Variants in TESC observed in about 807,000 individuals in gnomAD.
TESC encodes tescalcin.
In TESC, 19 loss-of-function variants were observed where a neutral mutation model predicts 31.0. The observed-to-expected ratio is 0.61, with a 90% CI of 0.43 to 0.90. The LOEUF (loss-of-function observed/expected upper bound fraction) is 0.90. Ranked by LOEUF, TESC falls within the 40% of genes least tolerant of loss-of-function variation. The pLI, the probability that TESC is intolerant of heterozygous loss-of-function variation, is 0.00. For missense variants in TESC, 248 were observed against 303.8 expected, an observed-to-expected ratio of 0.82 and a Z score of 1.36; for synonymous variants, 109 against 114.8, an observed-to-expected ratio of 0.95 and a Z score of 0.32.
intron 1 of TESC, among the ~76,000 whole-genome samples, chr12:117,091,845 T>G (rs532714380): frequency 6.6e-6 from 1 of 152,292 alleles, no homozygotes; most frequent in Admixed American, 6.5e-5. Context: ...TGTGTGGAAC[T>G]CTACTGACGA....
At chr12:117,060,621 C>G (rs1954789148) in intron 2 of TESC, among the ~76,000 whole-genome samples, 1 of 152,124 alleles carries the variant, frequency 6.6e-6, no homozygotes, top group African/African-American at 2.4e-5. Flanking sequence ...CACCTCGCTT[C>G]CCAGAGACCC....
chr12:117,051,990 G>C (rs1484727902), intron 3 of TESC, among the ~76,000 whole-genome samples: 2 of 152,046 alleles, frequency 1.3e-5, no homozygotes, highest in African/African-American at 4.8e-5. Flanking sequence ...GCCCAGACTG[G>C]TCTTGAACCC....
At chr12:117,075,913 A>ATGTGTGTATATATATATATG (rs1955062104) in intron 1 of TESC, among the ~76,000 whole-genome samples, 4 of 51,964 alleles carry the variant, frequency 7.7e-5, no homozygotes, top group African/African-American at 4.1e-4. Flanking sequence ...ATATATATAT[A>ATGTGTGTATATATATATATG]TGTGTGTGTG....
chr12:117,071,224 T>C (rs1004139603), intron 2 of TESC, among the ~76,000 whole-genome samples: 1 of 152,222 alleles, frequency 6.6e-6, no homozygotes, highest in Non-Finnish European at 1.5e-5. Flanking sequence ...CTTTCATTCA[T>C]TCATTTATTC....
In TESC at chr12:117,061,181, C is replaced by T. The variant is rs546832115; in HGVS notation, c.129-4295G>A. ...CGGTGTCTGGTGAACTGGGAGTGCACCACAGATGGCACCTTGCAGGATGGG... is the reference window on the plus strand; with the variant it reads ...CGGTGTCTGGTGAACTGGGAGTGCATCACAGATGGCACCTTGCAGGATGGG... On this transcript the variant is annotated intron_variant, in intron 2 of 7. Coordinates refer to ENST00000335209, the MANE Select transcript of TESC (RefSeq NM_017899.4). Among the ~76,000 whole-genome samples, 28 of 152,324 alleles carry T rather than the reference C, an allele frequency of 1.8e-4. No homozygotes were observed. The South Asian group carries it at 5.6e-3, about 30-fold the overall frequency.
chr12:117,039,230 G>A lies in TESC; in HGVS notation c.568-20C>T, dbSNP rs372992188. The A allele has an allele frequency of 3.3e-5, 53 of 1,609,012 alleles. No individual in the cohort carries two copies. In the African/African-American group the frequency reaches 4.8e-4, roughly 15 times the overall value. On this transcript the variant is annotated intron_variant, in intron 7 of 7. Coordinates refer to ENST00000335209, the MANE Select transcript of TESC (RefSeq NM_017899.4). ...CCAGATCTGGAAGGGACGGAGCAGCGTTAAGGGCACGTTCCCGCCGCCACC... is the reference window on the plus strand; with the variant it reads ...CCAGATCTGGAAGGGACGGAGCAGCATTAAGGGCACGTTCCCGCCGCCACC...
intron 1 of TESC, among the ~76,000 whole-genome samples, chr12:117,088,273 G>C (rs1955248231): frequency 6.6e-6 from 1 of 152,174 alleles, no homozygotes; most frequent in Non-Finnish European, 1.5e-5. Flanking sequence ...TTTTGAGAGT[G>C]GGCGAGTGGG....
At chr12:117,077,218 C>T (rs1955086357) in intron 1 of TESC, among the ~76,000 whole-genome samples, 1 of 152,174 alleles carries the variant, frequency 6.6e-6, no homozygotes, top group Non-Finnish European at 1.5e-5. Context: ...GGGCATGGCT[C>T]CAATGATCAG....
intron 2 of TESC, among the ~76,000 whole-genome samples, chr12:117,072,743 C>G (rs117187712): frequency 0.01 from 1,573 of 152,298 alleles, 10 homozygotes; most frequent in Non-Finnish European, 0.015. Context: ...GCTGCAGCTA[C>G]CAGCGTAGGT....
At chr12:117,058,633 T>C (rs1054092612) in intron 2 of TESC, among the ~76,000 whole-genome samples, 11 of 142,936 alleles carry the variant, frequency 7.7e-5, no homozygotes, top group Non-Finnish European at 1.5e-4. Flanking sequence ...TAGCAACCAA[T>C]GCAGGAGGCT....
chr12:117,075,130 A>C lies in TESC; in HGVS notation c.128+141T>G. ...CACTGCACTCCAGCCTGGGCGACGG[A>C]GCGAGACTCCATCTCCAAAATAAAT... On this transcript the variant is annotated intron_variant, in intron 2 of 7. Coordinates refer to ENST00000335209, the MANE Select transcript of TESC (RefSeq NM_017899.4). 3 of 848,410 alleles carry C rather than the reference A, an allele frequency of 3.5e-6. No individual in the cohort carries two copies. The South Asian group carries it at 5.4e-5, about 15-fold the overall frequency. 52.6% of individuals were successfully genotyped at this position (848,410 alleles called of 1,614,324 possible).
At chr12:117,077,790 G>T (rs1955093350) in intron 1 of TESC, among the ~76,000 whole-genome samples, 1 of 152,146 alleles carries the variant, frequency 6.6e-6, no homozygotes, top group African/African-American at 2.4e-5. Flanking sequence ...GAGATGAGGA[G>T]GAGTAACTTG....
chr12:117,066,497 G>A (rs989799132), intron 2 of TESC, among the ~76,000 whole-genome samples: 2 of 151,030 alleles, frequency 1.3e-5, no homozygotes, highest in African/African-American at 4.9e-5. Context: ...TCAGCCTCCC[G>A]AGTAACTGGA....
chr12:117,099,322 A>T lies in TESC; in HGVS notation c.-40T>A. ...GGGCCCCGGGGCGCGCGTCCCTCTC[A>T]GGCCCCGCACTGGCTTCGGCTGCGC... On this transcript the variant is annotated 5_prime_UTR_variant, in exon 1 of 8. Transcript: ENST00000335209. 1 of 1,411,826 alleles carries T rather than the reference A, an allele frequency of 7.1e-7. No individual in the cohort carries two copies. Among genetic ancestry groups the T allele is most frequent in the Non-Finnish European group, 9.2e-7 (1 of 1,087,828 alleles). The allele number at this position is 1,411,826 out of a possible 1,614,324, so 87.5% of individuals were successfully genotyped here.
chr12:117,047,428 T>G (rs1443428401), intron 4 of TESC, among the ~76,000 whole-genome samples: 1 of 150,704 alleles, frequency 6.6e-6, no homozygotes, highest in Non-Finnish European at 1.5e-5. Flanking sequence ...TTTTTTTTAA[T>G]GTATTTATTT....
rs535869453 is a variant in TESC, at chr12:117,050,860, GGCTGCAGTGAGCCAAGATCAC to G, written c.210-1723_210-1703del. On this transcript the variant is annotated intron_variant, in intron 3 of 7. Transcript: ENST00000335209. ...GGATCACTTGAGCCCAGGAGGCCGAGGCTGCAGTGAGCCAAGATCACGCCACTGCACTCCAGCCTGGGTGGC... is the reference window on the plus strand; with the variant it reads ...GGATCACTTGAGCCCAGGAGGCCGAGGCCACTGCACTCCAGCCTGGGTGGC... Among the ~76,000 whole-genome samples the G allele has an allele frequency of 5.3e-3, 813 of 152,318 alleles. 5 individuals are homozygous for G. Among genetic ancestry groups the G allele is most frequent in the Middle Eastern group, 0.017 (5 of 294 alleles).
chr12:117,067,703 C>T (rs992423416), intron 2 of TESC, among the ~76,000 whole-genome samples: 2 of 152,224 alleles, frequency 1.3e-5, no homozygotes, highest in Admixed American at 1.3e-4. Context: ...CTTGCATTAG[C>T]CAGCTTTGCT....
At position 117,086,368 on chromosome 12, in the gene TESC, C is replaced by T. The variant is rs565639061; in HGVS notation, c.59-11028G>A. On this transcript the variant is annotated intron_variant, in intron 1 of 7. Transcript: ENST00000335209. The stretch of plus-strand genomic sequence containing the variant: ...CTGCCCACCTCGGCCTCCCAAAGTG[C>T]TGGGATTACAAGCATGAGCCACTGC... Among the ~76,000 whole-genome samples the T allele has an allele frequency of 1.3e-4, 20 of 152,112 alleles. No individual in the cohort carries two copies. The Middle Eastern group carries it at 0.01, about 78-fold the overall frequency.
rs762965516 is a variant in TESC at position 117,056,824 on chromosome 12, C to A, written c.191G>T (p.Arg64Leu). 6.2e-7 allele frequency: 1 copy of A among 1,614,120 alleles called. No homozygotes were observed. The highest frequency in any genetic ancestry group is 1.1e-5 in the South Asian group (1 of 91,076). ...CGCCCACCTGTTGTCGAAGAAGGCA[C>A]GAACAATTTTGGATCGGATGGGGTT... ...ELNPIRSKIV[R>L]AFFDNRNLRK... The change falls in exon 3 of 8, where the codon CGT (arginine) becomes CTT (leucine). Residue 64 changes from arginine to leucine, a missense_variant. Transcript: ENST00000335209.
Sources: allele counts gnomAD v4.1 joint callset (sites outside exome capture counted in the v4.1 genomes callset), GRCh38; gene constraint gnomAD v4.1.1; transcripts MANE v1.5; gene names NCBI Gene and HGNC (gene_info 2026-07-23, HGNC 2026-07-21).